Variants in RASGRF2 observed in about 807,000 individuals in gnomAD.
RASGRF2 encodes Ras protein specific guanine nucleotide releasing factor 2.
A neutral mutation model predicts 151.0 loss-of-function variants in RASGRF2; 76 were observed. The observed-to-expected ratio is 0.50, with a 90% CI of 0.42 to 0.61. RASGRF2 has a LOEUF of 0.61. RASGRF2 is among the 20% of genes least tolerant of loss of function. The pLI is 0.00. For missense variants in RASGRF2, 1,148 were observed against 1,564.6 expected (o/e 0.73, Z 4.49); for synonymous variants, 504 against 566.5 (o/e 0.89, Z 1.57).
chr5:81,223,087 G>A (rs1215862972), intron 26 of RASGRF2, among the ~76,000 whole-genome samples: 1 of 152,192 alleles, frequency 6.6e-6, no homozygotes, highest in Non-Finnish European at 1.5e-5. Context: ...ACTGAAGTAC[G>A]TAAGGAGAAA....
In RASGRF2 at chr5:80,960,984, C is replaced by G. The variant is rs761146888; in HGVS notation, c.246C>G (p.Ala82=). 8 of 1,545,674 alleles carry G rather than the reference C, an allele frequency of 5.2e-6. No homozygotes were observed. The highest frequency in any genetic ancestry group is 1.8e-5 in the Admixed American group (1 of 54,114). The change falls in exon 1 of 27, where the codon GCC becomes GCG. Residue 82 remains alanine, a synonymous_variant. Coordinates refer to ENST00000265080, the MANE Select transcript of RASGRF2 (RefSeq NM_006909.3). This position sits in a 1 kb window ranked among gnomAD's most constrained non-coding sequence, Gnocchi z 5.5. The part of the protein sequence containing the change: ...SCERTPAPPR[A]GAGQGGVRDA... ...AACGAACGCCCGCGCCACCCAGGGCCGGCGCCGGGCAGGGAGGCGTCCGAG... is the reference window on the plus strand; with the variant it reads ...AACGAACGCCCGCGCCACCCAGGGCGGGCGCCGGGCAGGGAGGCGTCCGAG...
intron 17 of RASGRF2, among the ~76,000 whole-genome samples, chr5:81,161,027 G>A (rs1405156939): frequency 1.3e-5 from 2 of 152,210 alleles, no homozygotes; most frequent in Admixed American, 6.5e-5. Context: ...TTCCATAAAA[G>A]TTCTAATAAT....
At chr5:81,032,934 G>A (rs148933585) in intron 1 of RASGRF2, among the ~76,000 whole-genome samples, 12,347 of 152,208 alleles carry the variant, frequency 0.081, 723 homozygotes, top group East Asian at 0.16. Context: ...AAGCTGATAA[G>A]CAACATCAGC....
rs763676792 is a variant in RASGRF2 at position 81,112,828 on chromosome 5, A to T, written c.2057A>T (p.Tyr686Phe). The change falls in exon 14 of 27, where the codon TAC becomes TTC. Residue 686 changes from tyrosine (Y) to phenylalanine (F), a missense_variant. Transcript: ENST00000265080. ...GTGCTGGGGAAACTCTCCGACATAT[A>T]CAAGAGGCCTTTCACCTCCATCCCT... ...AVVLGKLSDI[Y>F]KRPFTSIPVR... The T allele has an allele frequency of 1.4e-5, 23 of 1,614,076 alleles. 1 individual carries two copies. The South Asian group carries it at 2.3e-4, about 16-fold the overall frequency.
intron 1 of RASGRF2, among the ~76,000 whole-genome samples, chr5:81,021,218 C>G (rs1456487553): frequency 6.6e-6 from 1 of 152,216 alleles, no homozygotes; most frequent in Non-Finnish European, 1.5e-5. Flanking sequence ...GTAAGCAGAT[C>G]TGACAGCTCA....
intron 25 of RASGRF2, among the ~76,000 whole-genome samples, chr5:81,218,346 C>G (rs1755788787): frequency 6.6e-6 from 1 of 152,138 alleles, no homozygotes. Flanking sequence ...AGGTTTAAGT[C>G]TTTAATCTAT....
At chr5:81,016,969 C>A (rs16878320) in intron 1 of RASGRF2, among the ~76,000 whole-genome samples, 1 of 152,170 alleles carries the variant, frequency 6.6e-6, no homozygotes, top group East Asian at 1.9e-4. Context: ...CTAACAACCA[C>A]CCCAACAAAG....
chr5:81,068,642 AACATTTGGATTAAACTATAAG>A (rs1257514086), intron 3 of RASGRF2, among the ~76,000 whole-genome samples: 1 of 152,136 alleles, frequency 6.6e-6, no homozygotes, highest in Non-Finnish European at 1.5e-5. Context: ...TTTTGAAAAG[AACATTTGGATTAAACTATAAG>A]ACATTTGCTA....
At chr5:81,090,444 G>A (rs1752357697) in intron 9 of RASGRF2, among the ~76,000 whole-genome samples, 1 of 152,186 alleles carries the variant, frequency 6.6e-6, no homozygotes, top group Non-Finnish European at 1.5e-5. Context: ...TAGCTAGCGA[G>A]GAATCCTTTC....
intron 1 of RASGRF2, among the ~76,000 whole-genome samples, chr5:81,010,334 A>G (rs1305094398): frequency 1.3e-5 from 2 of 152,122 alleles, no homozygotes; most frequent in East Asian, 3.9e-4. Flanking sequence ...CTTTTTCTTA[A>G]GAGGGAAATA....
At chr5:81,217,611 A>T (rs1328229938) in intron 25 of RASGRF2, 138 bp downstream of exon 25, 11 of 684,216 alleles carry the variant, frequency 1.6e-5, no homozygotes, top group Admixed American at 5.0e-5. Context: ...AAACAATCTC[A>T]GTCTATCGCC....
intron 4 of RASGRF2, 84 bp from the exon 5 acceptor site, chr5:81,073,114 AT>A: frequency 6.8e-7 from 1 of 1,461,662 alleles, no homozygotes; most frequent in Non-Finnish European, 9.3e-7. Flanking sequence ...TGCAAAATTG[AT>A]TTTTAATTAT....
intron 24 of RASGRF2, chr5:81,216,816 C>G: frequency 3.6e-6 from 1 of 278,904 alleles, no homozygotes; most frequent in South Asian, 3.2e-5. Context: ...ATACCCAGCT[C>G]TCTCTAAAAA....
intron 2 of RASGRF2, among the ~76,000 whole-genome samples, chr5:81,064,557 G>A (rs1266395643): frequency 6.6e-6 from 1 of 152,156 alleles, no homozygotes; most frequent in African/African-American, 2.4e-5. Flanking sequence ...GGCCTTTTGT[G>A]GTGAGAGGGG....
chr5:80,976,882 C>A (rs1398256679), intron 1 of RASGRF2, among the ~76,000 whole-genome samples: 1 of 152,202 alleles, frequency 6.6e-6, no homozygotes, highest in Non-Finnish European at 1.5e-5. Context: ...TCTCCCCAGG[C>A]CCAGAGCAGT....
chr5:81,208,932 C>T (rs1049834561), intron 22 of RASGRF2, among the ~76,000 whole-genome samples: 16 of 152,220 alleles, frequency 1.1e-4, no homozygotes, highest in African/African-American at 3.9e-4. Context: ...GTAATAATGT[C>T]CAATTAACTT....
At chr5:81,056,782 T>A (rs906311662) in intron 2 of RASGRF2, among the ~76,000 whole-genome samples, 8 of 152,218 alleles carry the variant, frequency 5.3e-5, no homozygotes, top group Admixed American at 3.3e-4. Context: ...TGTAGGTCTC[T>A]AAGGAGTTGC....
At position 80,960,584 on chromosome 5, in the gene RASGRF2, A is replaced by G. The variant is rs1747510196; in HGVS notation, c.-155A>G. 1 of 685,874 alleles carries G rather than the reference A, an allele frequency of 1.5e-6. No homozygotes were observed. Among genetic ancestry groups the G allele is most frequent in the East Asian group, 3.7e-5 (1 of 26,684 alleles). The allele number at this position is 685,874 out of a possible 1,614,324, so 42.5% of individuals were successfully genotyped here. On this transcript the variant is annotated 5_prime_UTR_variant, in exon 1 of 27. Coordinates refer to ENST00000265080, the MANE Select transcript of RASGRF2 (RefSeq NM_006909.3). The surrounding 1 kb of genome is among the most constrained non-coding windows in gnomAD (Gnocchi z 5.5). Reference sequence around the variant, plus strand: ...GCCACCGCGCGCCGCGGCCTCCCGAAAGCGGGCGGGGTGCCCTGCGCGCGG... The same window carrying G: ...GCCACCGCGCGCCGCGGCCTCCCGAGAGCGGGCGGGGTGCCCTGCGCGCGG...
intron 2 of RASGRF2, among the ~76,000 whole-genome samples, chr5:81,055,903 CT>C (rs985141633): frequency 1.1e-4 from 16 of 152,194 alleles, no homozygotes; most frequent in Admixed American, 7.9e-4. Flanking sequence ...TCTAGATTTT[CT>C]AGTTTATTTT....
Sources: allele counts gnomAD v4.1 joint callset (sites outside exome capture counted in the v4.1 genomes callset), GRCh38; gene constraint gnomAD v4.1.1; non-coding constraint Gnocchi (gnomAD v3.1); transcripts MANE v1.5; gene names NCBI Gene and HGNC (gene_info 2026-07-23, HGNC 2026-07-21).